The following ZNF638 variants were observed in gnomAD, a reference collection of about 807,000 sequenced individuals.
ZNF638 encodes the protein zinc finger protein 638.
ZNF638 carries 46 observed loss-of-function variants against 195.6 expected under a neutral mutation model. The ratio of observed to expected loss-of-function variants is 0.24; its 90% CI spans 0.19 to 0.30. The LOEUF (loss-of-function observed/expected upper bound fraction) is 0.30. Among genes scored for constraint, ZNF638 ranks in the 10% least tolerant of loss-of-function variants. The pLI, the probability that ZNF638 is intolerant of heterozygous loss-of-function variation, is 1.00. For synonymous variants in ZNF638, 845 were observed against 772.0 expected, an observed-to-expected ratio of 1.09 and a Z score of -1.57; for missense variants, 2,440 against 2,325.3, an observed-to-expected ratio of 1.05 and a Z score of -1.01.
intron 1 of ZNF638, among the ~76,000 whole-genome samples, chr2:71,343,619 G>A (rs1056209098): frequency 7.9e-5 from 12 of 152,164 alleles, no homozygotes; most frequent in African/African-American, 2.9e-4. Context: ...GAATAGAAGA[G>A]AGATTAGATT....
intron 10 of ZNF638, among the ~76,000 whole-genome samples, chr2:71,394,670 G>T (rs560771715): frequency 5.9e-5 from 9 of 152,286 alleles, no homozygotes; most frequent in African/African-American, 1.9e-4. Context: ...AACATGCCCT[G>T]TCCCAGGTCA....
At position 71,405,605 on chromosome 2, in the gene ZNF638, C is replaced by T. The variant is rs1159184205; in HGVS notation, c.2963C>T (p.Ala988Val). Residue 988 changes from alanine (A) to valine (V), a missense_variant, in exon 18 of 28, where the codon GCT becomes GTT. Around this residue, in one of 5 missense-constraint regions of ZNF638, gnomAD observed 1,883 missense variants for 1,739.1 expected, o/e 1.08. Transcript: ENST00000264447. ...PENMNIKDEE[A>V]IFITLVKEND... Reference sequence around the variant, plus strand: ...TTATCTATTTTTGCTTTTTAGGAAGCTATATTTATAACCTTGGTAAAAGAA... The same window carrying T: ...TTATCTATTTTTGCTTTTTAGGAAGTTATATTTATAACCTTGGTAAAAGAA... 1.0e-5 allele frequency: 16 copies of T among 1,567,388 alleles called. No homozygotes were observed. The highest frequency in any genetic ancestry group is 6.8e-5 in the East Asian group (3 of 43,898).
chr2:71,366,248 G>C (rs1488343792), intron 6 of ZNF638, among the ~76,000 whole-genome samples: 4 of 151,866 alleles, frequency 2.6e-5, no homozygotes, highest in African/African-American at 7.3e-5. Flanking sequence ...TACTTGGGAG[G>C]CCTTGGGAGG....
intron 24 of ZNF638, among the ~76,000 whole-genome samples, chr2:71,428,180 A>G (rs2080578953): frequency 3.9e-5 from 6 of 152,178 alleles, no homozygotes. Context: ...TAACAGAGTG[A>G]GCCACTTTGT....
At chr2:71,333,494 G>T (rs1185514268) in intron 1 of ZNF638, among the ~76,000 whole-genome samples, 2 of 152,012 alleles carry the variant, frequency 1.3e-5, no homozygotes, top group Non-Finnish European at 2.9e-5. Context: ...GGGTGTATAC[G>T]GCAGGTACTC....
At chr2:71,335,366 G>A (rs2078648045) in intron 1 of ZNF638, among the ~76,000 whole-genome samples, 1 of 152,052 alleles carries the variant, frequency 6.6e-6, no homozygotes, top group Admixed American at 6.5e-5. Context: ...TTACCCTAAG[G>A]AACATATATT....
intron 23 of ZNF638, 111 bp downstream of exon 23, chr2:71,424,826 C>T (rs945879109): frequency 1.2e-6 from 1 of 800,034 alleles, no homozygotes; most frequent in Non-Finnish European, 2.0e-6. Context: ...GAGTTTAGAG[C>T]AAGGGATAGG....
chr2:71,423,428 G>A lies in ZNF638; in HGVS notation c.3914G>A (p.Gly1305Asp). The change falls in exon 22 of 28, where the codon GGT becomes GAT. Residue 1305 changes from glycine to aspartate, a missense_variant. Physicochemically the swap from Gly to Asp is moderately conservative, Grantham distance 94 (BLOSUM62 -1). Coordinates refer to ENST00000264447, the MANE Select transcript of ZNF638 (RefSeq NM_014497.5). ...VDKKNISEKK[G>D]NMDEKEEKEF... Reference sequence around the variant, plus strand: ...AAAAAGAATATTTCTGAAAAAAAAGGTAACATGGATGAAAAGGAGGAGAAG... The same window carrying A: ...AAAAAGAATATTTCTGAAAAAAAAGATAACATGGATGAAAAGGAGGAGAAG... The A allele has an allele frequency of 1.2e-6, 2 of 1,613,600 alleles. No homozygotes were observed. The highest frequency in any genetic ancestry group is 2.7e-5 in the African/African-American group (2 of 74,942).
intron 8 of ZNF638, among the ~76,000 whole-genome samples, chr2:71,371,192 T>C (rs2079305501): frequency 6.6e-6 from 1 of 152,252 alleles, no homozygotes; most frequent in South Asian, 2.1e-4. Flanking sequence ...TTTTTATGGC[T>C]GAAGAGTACT....
chr2:71,388,734 G>GGT, intron 10 of ZNF638: 1 of 1,167,006 alleles, frequency 8.6e-7, no homozygotes, highest in Non-Finnish European at 1.3e-6. Context: ...GTAAGTCATT[G>GGT]GTGCCCACTC....
chr2:71,355,466 C>G (rs2079009391), intron 2 of ZNF638, among the ~76,000 whole-genome samples: 1 of 151,922 alleles, frequency 6.6e-6, no homozygotes. Flanking sequence ...AATGAGCATC[C>G]ACGGGTATGA....
chr2:71,382,778 GAC>G (rs1209199875), intron 10 of ZNF638, among the ~76,000 whole-genome samples: 1 of 152,126 alleles, frequency 6.6e-6, no homozygotes. Context: ...GAAGTTCTGT[GAC>G]ACAAAGCTAA....
intron 11 of ZNF638, among the ~76,000 whole-genome samples, chr2:71,397,473 A>T (rs1299337809): frequency 6.6e-6 from 1 of 152,128 alleles, no homozygotes; most frequent in Non-Finnish European, 1.5e-5. Context: ...CTTTCAGTTG[A>T]TTTTTTTAGA....
chr2:71,345,389 ATATTT>A (rs1159845387), intron 1 of ZNF638, among the ~76,000 whole-genome samples: 2 of 152,136 alleles, frequency 1.3e-5, no homozygotes, highest in Admixed American at 6.5e-5. Flanking sequence ...TCATAGGCAG[ATATTT>A]TATTTATATG....
chr2:71,411,356 G>A (rs2080218268), intron 20 of ZNF638, among the ~76,000 whole-genome samples: 1 of 149,796 alleles, frequency 6.7e-6, no homozygotes, highest in East Asian at 2.0e-4. Flanking sequence ...TTAATATTCT[G>A]TTTTTCTGGA....
chr2:71,427,007 A>G lies in ZNF638; in HGVS notation c.5138A>G (p.Asp1713Gly). The G allele has an allele frequency of 1.2e-6, 2 of 1,612,632 alleles. No homozygotes were observed. Among genetic ancestry groups the G allele is most frequent in the South Asian group, 1.1e-5 (1 of 90,808 alleles). Residue 1713 changes from aspartate (D) to glycine (G), a missense_variant, in exon 24 of 28, where the codon GAT becomes GGT. Coordinates refer to ENST00000264447, the MANE Select transcript of ZNF638 (RefSeq NM_014497.5). Reference sequence around the variant, plus strand: ...TTAAATACTAAAGGAAATGAAGGAGATACTGTAAGGGATTCCATTGGCTTC... The same window carrying G: ...TTAAATACTAAAGGAAATGAAGGAGGTACTGTAAGGGATTCCATTGGCTTC... ...ATLNTKGNEG[D>G]TVRDSIGFIS...
At chr2:71,414,164 G>T (rs1431216569) in intron 20 of ZNF638, among the ~76,000 whole-genome samples, 1 of 125,728 alleles carries the variant, frequency 8.0e-6, no homozygotes, top group Admixed American at 8.6e-5. Context: ...GCCTGTTATT[G>T]GTCTATTCAG....
intron 1 of ZNF638, among the ~76,000 whole-genome samples, chr2:71,345,479 C>T (rs949419802): frequency 1.3e-5 from 2 of 152,172 alleles, no homozygotes; most frequent in African/African-American, 4.8e-5. Flanking sequence ...GCAGCCTTGA[C>T]ATCCTGAACT....
Position 71,400,503 on chromosome 2 carries a change from T to C in ZNF638, c.2682T>C (p.Asn894=), listed in dbSNP as rs2079985201. The stretch of plus-strand genomic sequence containing the variant: ...ATGCTGCTTTGGAGGCCACAGAGAA[T>C]GAACCACTTAACAAGGTCAGTTTTC... The part of the protein sequence containing the change: ...ISDAALEATE[N]EPLNKETEEM... Residue 894 remains asparagine (N), a synonymous_variant, in exon 15 of 28, where the codon AAT becomes AAC. Coordinates refer to ENST00000264447, the MANE Select transcript of ZNF638 (RefSeq NM_014497.5). 1.9e-6 allele frequency: 3 copies of C among 1,607,134 alleles called. No homozygotes were observed. Among genetic ancestry groups the C allele is most frequent in the Non-Finnish European group, 8.5e-7 (1 of 1,177,676 alleles).
Sources: allele counts gnomAD v4.1 joint callset (sites outside exome capture counted in the v4.1 genomes callset), GRCh38; gene constraint gnomAD v4.1.1; regional missense constraint gnomAD v4.1.1; transcripts MANE v1.5; gene names NCBI Gene and HGNC (gene_info 2026-07-23, HGNC 2026-07-21).